Variants in ZNF619 observed in about 807,000 individuals in gnomAD.
ZNF619 encodes the protein zinc finger protein 619.
In ZNF619, 9 loss-of-function variants were observed where a neutral mutation model predicts 14.2. The ratio of observed to expected loss-of-function variants is 0.64; its 90% CI spans 0.38 to 1.11. ZNF619 has a LOEUF of 1.11. ZNF619 is among the 50% of genes least tolerant of loss of function. The probability of loss-of-function intolerance (pLI) is 0.01; values close to 1 mark genes in which losing one functional copy is unlikely to be tolerated. For missense variants in ZNF619, 659 were observed against 680.1 expected (o/e 0.97, Z 0.34); for synonymous variants, 246 against 252.8 (o/e 0.97, Z 0.26).
Position 40,488,132 on chromosome 3 carries a change from C to G in ZNF619, c.1622C>G (p.Ser541Cys), listed in dbSNP as rs1175903009. Residue 541 changes from serine to cysteine, a missense_variant, in exon 5 of 5, where the codon TCT becomes TGT. Transcript: ENST00000432264. ...SVPFFLLLPS[S>C]EKANPSPVQI... ...CCTTTCTTCCTGCTGCTTCCCTCAT[C>G]TGAAAAGGCCAACCCTTCACCTGTC... 6.2e-7 allele frequency: 1 copy of G among 1,614,152 alleles called. No individual in the cohort carries two copies. The highest frequency in any genetic ancestry group is 1.7e-5 in the Admixed American group (1 of 60,018).
At chr3:40,482,236 C>G (rs190661380) in intron 3 of ZNF619, 1 of 1,551,654 alleles carries the variant, frequency 6.4e-7, no homozygotes, top group South Asian at 1.2e-5. Flanking sequence ...GGAGACCCAA[C>G]TGCAGGGGGC....
chr3:40,477,858 G>C, intron 1 of ZNF619, 60 bp from the exon 2 acceptor site: 1 of 876,764 alleles, frequency 1.1e-6, no homozygotes, highest in Non-Finnish European at 1.8e-6. Context: ...GGAGACAGAG[G>C]GGAAGAGGCG....
Position 40,487,134 on chromosome 3 carries a change from G to A in ZNF619, c.624G>A (p.Glu208=), listed in dbSNP as rs760395198. Residue 208 remains glutamate (E), a synonymous_variant, in exon 5 of 5, where the codon GAG becomes GAA. Transcript: ENST00000432264. ...AKEQVFYKCG[E]CGSYYNPHSD... ...AACAGGTGTTTTATAAATGTGGTGAGTGTGGCAGTTACTACAACCCACATT... is the reference window on the plus strand; with the variant it reads ...AACAGGTGTTTTATAAATGTGGTGAATGTGGCAGTTACTACAACCCACATT... 6.2e-7 allele frequency: 1 copy of A among 1,614,160 alleles called. No individual in the cohort carries two copies. Among genetic ancestry groups the A allele is most frequent in the Admixed American group, 1.7e-5 (1 of 60,022 alleles).
chr3:40,487,699 G>A lies in ZNF619; in HGVS notation c.1189G>A (p.Glu397Lys). The A allele has an allele frequency of 6.2e-7, 1 of 1,614,084 alleles. No homozygotes were observed. Among genetic ancestry groups the A allele is most frequent in the Middle Eastern group, 1.6e-4 (1 of 6,062 alleles). ...FLQHQRFHTGEQLYKCNECWK... is the reference protein window; with the variant it reads ...FLQHQRFHTGKQLYKCNECWK... ...TCAGCACCAGAGGTTCCACACTGGGGAACAACTCTACAAATGTAATGAATG... is the reference window on the plus strand; with the variant it reads ...TCAGCACCAGAGGTTCCACACTGGGAAACAACTCTACAAATGTAATGAATG... Residue 397 changes from glutamate to lysine, a missense_variant, in exon 5 of 5, where the codon GAA becomes AAA. By Grantham distance (56) the Glu-to-Lys change is moderately conservative. Coordinates refer to ENST00000432264, the MANE Select transcript of ZNF619 (RefSeq NM_001145093.4).
In ZNF619 at chr3:40,487,941, G is replaced by T; in HGVS notation, c.1431G>T (p.Trp477Cys). Reference protein sequence around the residue: ...WNASFIQHQKWHTRKKLINGT... With the variant: ...WNASFIQHQKCHTRKKLINGT... Reference sequence around the variant, plus strand: ...CAAGTTTCATCCAGCATCAGAAGTGGCATACTAGGAAGAAACTCATCAATG... The same window carrying T: ...CAAGTTTCATCCAGCATCAGAAGTGTCATACTAGGAAGAAACTCATCAATG... Residue 477 changes from tryptophan to cysteine, a missense_variant, in exon 5 of 5, where the codon TGG (tryptophan) becomes TGT (cysteine). Coordinates refer to ENST00000432264, the MANE Select transcript of ZNF619 (RefSeq NM_001145093.4). The T allele has an allele frequency of 6.2e-7, 1 of 1,614,148 alleles. No individual in the cohort carries two copies. The highest frequency in any genetic ancestry group is 8.5e-7 in the Non-Finnish European group (1 of 1,180,020).
In ZNF619 at chr3:40,481,850, TG is replaced by T; in HGVS notation, c.25-12del. On this transcript the variant is annotated splice_polypyrimidine_tract_variant and intron_variant, in intron 2 of 4. Transcript: ENST00000432264. ...TTCCTGGAATTCAGGCCTCTCCCTCTGTTCTTGTGCAGGGCTTGGGCAGGAA... is the reference window on the plus strand; with the variant it reads ...TTCCTGGAATTCAGGCCTCTCCCTCTTTCTTGTGCAGGGCTTGGGCAGGAA... 1 of 1,592,622 alleles carries T rather than the reference TG, an allele frequency of 6.3e-7. No homozygotes were observed. The highest frequency in any genetic ancestry group is 1.7e-4 in the Middle Eastern group (1 of 5,884).
At position 40,487,386 on chromosome 3, in the gene ZNF619, C is replaced by T. The variant is rs1484691766; in HGVS notation, c.876C>T (p.Asp292=). The change falls in exon 5 of 5, where the codon GAC becomes GAT. Residue 292 remains aspartate, a synonymous_variant. Coordinates refer to ENST00000432264, the MANE Select transcript of ZNF619 (RefSeq NM_001145093.4). ...HGGQRPYECT[D]CGKTFSYNSK... ...GACAGAGGCCCTATGAATGTACTGA[C>T]TGTGGTAAAACCTTCAGTTATAATT... 4 of 1,614,072 alleles carry T rather than the reference C, an allele frequency of 2.5e-6. No homozygotes were observed. The African/African-American group carries it at 5.3e-5, about 22-fold the overall frequency.
chr3:40,479,543 C>T lies in ZNF619; in HGVS notation c.24+1540C>T, dbSNP rs574369115. On this transcript the variant is annotated intron_variant, in intron 2 of 4. Transcript: ENST00000432264. ...AATGCCATTCTTGTAAGAGTCCTTT[C>T]AGATAATTACTATTGTTATCCCAGT... Among the ~76,000 whole-genome samples, 27 of 152,316 alleles carry T rather than the reference C, an allele frequency of 1.8e-4. No individual in the cohort carries two copies. In the South Asian group the frequency reaches 5.6e-3, roughly 32 times the overall value.
chr3:40,478,384 G>C (rs1697270437), intron 2 of ZNF619, among the ~76,000 whole-genome samples: 1 of 152,102 alleles, frequency 6.6e-6, no homozygotes, highest in Non-Finnish European at 1.5e-5. Flanking sequence ...TAAAATTTGA[G>C]GAGTGCTAGT....
In ZNF619 at chr3:40,487,702, C is replaced by A. The variant is rs962038696; in HGVS notation, c.1192C>A (p.Gln398Lys). ...GCACCAGAGGTTCCACACTGGGGAA[C>A]AACTCTACAAATGTAATGAATGTTG... ...LQHQRFHTGEQLYKCNECWKT... is the reference protein window; with the variant it reads ...LQHQRFHTGEKLYKCNECWKT... The change falls in exon 5 of 5, where the codon CAA becomes AAA. Residue 398 changes from glutamine (Q) to lysine (K), a missense_variant. Coordinates refer to ENST00000432264, the MANE Select transcript of ZNF619 (RefSeq NM_001145093.4). The A allele has an allele frequency of 1.9e-6, 3 of 1,613,574 alleles. No individual in the cohort carries two copies. The highest frequency in any genetic ancestry group is 1.3e-5 in the African/African-American group (1 of 74,796).
rs766278099 is a variant in ZNF619, at chr3:40,487,291, T to G, written c.781T>G (p.Ser261Ala). The change falls in exon 5 of 5, where the codon TCA (serine) becomes GCA (alanine). Residue 261 changes from serine to alanine, a missense_variant. Coordinates refer to ENST00000432264, the MANE Select transcript of ZNF619 (RefSeq NM_001145093.4). The stretch of plus-strand genomic sequence containing the variant: ...AATCCACACTGGAGAGAAACCATAC[T>G]CATGTGAGGAATGTGGACAAGCCTT... ...QKIHTGEKPY[S>A]CEECGQAFSQ... is the part of the protein sequence containing the mutation. 77 of 1,614,018 alleles carry G rather than the reference T, an allele frequency of 4.8e-5. No individual in the cohort carries two copies. In the East Asian group the frequency reaches 1.6e-3, roughly 35 times the overall value.
chr3:40,480,592 G>A (rs899795585), intron 2 of ZNF619, among the ~76,000 whole-genome samples: 1 of 150,644 alleles, frequency 6.6e-6, no homozygotes, highest in African/African-American at 2.5e-5. Context: ...TCTGCCTCCG[G>A]GGTTCACGCC....
At position 40,487,061 on chromosome 3, in the gene ZNF619, A is replaced by C; in HGVS notation, c.551A>C (p.Glu184Ala). 6.2e-7 allele frequency: 1 copy of C among 1,614,166 alleles called. No homozygotes were observed. Among genetic ancestry groups the C allele is most frequent in the Non-Finnish European group, 8.5e-7 (1 of 1,180,052 alleles). Residue 184 changes from glutamate (E) to alanine (A), a missense_variant, in exon 5 of 5, where the codon GAA becomes GCA. Glu to Ala is a moderately radical substitution (Grantham distance 107, BLOSUM62 -1). Transcript: ENST00000432264. ...GAGGAGATAGCCAGGAAATTGGAAG[A>C]AAGTAGTGTCAGCACACATCTCATT... Reference protein sequence around the residue: ...EREEIARKLEESSVSTHLITK... With the variant: ...EREEIARKLEASSVSTHLITK...
At chr3:40,482,475 A>C in intron 3 of ZNF619, 113 bp from the exon 4 acceptor site, 2 of 1,553,474 alleles carry the variant, frequency 1.3e-6, no homozygotes, top group Non-Finnish European at 8.9e-7. Context: ...CCCTGACTTC[A>C]CTTAGTCTCC....
At chr3:40,480,504 T>TTC (rs1219057050) in intron 2 of ZNF619, among the ~76,000 whole-genome samples, 1 of 150,654 alleles carries the variant, frequency 6.6e-6, no homozygotes, top group East Asian at 1.9e-4. Context: ...TAGTACTTTT[T>TTC]TTTTTTTTTT....
intron 3 of ZNF619, chr3:40,482,380 C>T: frequency 6.3e-7 from 1 of 1,577,216 alleles, no homozygotes. Context: ...GTGTACACAC[C>T]CCCCAGTGAC....
At position 40,490,807 on chromosome 3, in the gene ZNF619, C is replaced by G. The variant is rs577787347; in HGVS notation, c.*2566C>G. On this transcript the variant is annotated 3_prime_UTR_variant, in exon 5 of 5. Coordinates refer to ENST00000432264, the MANE Select transcript of ZNF619 (RefSeq NM_001145093.4). ...CAGTAAGGCTCTGGTCAACAGTAGA[C>G]TATTAGTAGTTACATTTTTGGGGAG... Among the ~76,000 whole-genome samples, 1 of 152,204 alleles carries G rather than the reference C, an allele frequency of 6.6e-6. No homozygotes were observed. Among genetic ancestry groups the G allele is most frequent in the Admixed American group, 6.5e-5 (1 of 15,278 alleles).
Position 40,487,273 on chromosome 3 carries a change from A to T in ZNF619, c.763A>T (p.Thr255Ser). The T allele has an allele frequency of 1.9e-6, 3 of 1,614,182 alleles. No homozygotes were observed. The highest frequency in any genetic ancestry group is 2.5e-6 in the Non-Finnish European group (3 of 1,180,034). The change falls in exon 5 of 5, where the codon ACT (threonine) becomes TCT (serine). Residue 255 changes from threonine (T) to serine (S), a missense_variant. By Grantham distance (58) the Thr-to-Ser change is moderately conservative. Transcript: ENST00000432264. ...SKLSRHQKIH[T>S]GEKPYSCEEC... ...ACTGTCACGGCATCAGAAAATCCAC[A>T]CTGGAGAGAAACCATACTCATGTGA...
At chr3:40,479,260 A>G (rs1463711107) in intron 2 of ZNF619, among the ~76,000 whole-genome samples, 9 of 152,164 alleles carry the variant, frequency 5.9e-5, no homozygotes, top group Non-Finnish European at 1.3e-4. Context: ...CCCCAACAAT[A>G]TTTATACTTG....
Sources: allele counts gnomAD v4.1 joint callset (sites outside exome capture counted in the v4.1 genomes callset), GRCh38; gene constraint gnomAD v4.1.1; transcripts MANE v1.5; gene names NCBI Gene and HGNC (gene_info 2026-07-23, HGNC 2026-07-21).